The following ESRRG variants were observed in gnomAD, a reference collection of about 807,000 sequenced individuals.
The protein encoded by ESRRG is estrogen-related receptor gamma.
ESRRG carries 13 observed loss-of-function variants against 44.0 expected under a neutral mutation model. That is an observed-to-expected ratio of 0.30 (90% CI 0.19 to 0.47). The LOEUF (loss-of-function observed/expected upper bound fraction) is 0.47. Ranked by LOEUF, ESRRG falls within the 20% of genes least tolerant of loss-of-function variation. The pLI is 1.00. For missense variants in ESRRG, 395 were observed against 580.6 expected, an observed-to-expected ratio of 0.68 and a Z score of 3.29; for synonymous variants, 215 against 214.6, an observed-to-expected ratio of 1.00 and a Z score of -0.02.
intron 2 of ESRRG, among the ~76,000 whole-genome samples, chr1:216,788,899 A>G (rs1449713126): frequency 6.6e-6 from 1 of 152,136 alleles, no homozygotes; most frequent in South Asian, 2.1e-4. Context: ...GAGGAGCTGT[A>G]GTTGTGGTAG....
chr1:216,759,885 C>A (rs12740079), intron 2 of ESRRG, among the ~76,000 whole-genome samples: 1 of 152,134 alleles, frequency 6.6e-6, no homozygotes, highest in Non-Finnish European at 1.5e-5. Context: ...CAAGCACTTG[C>A]ACATATGGGT....
chr1:216,918,065 T>C (rs2061403591), intron 2 of ESRRG, among the ~76,000 whole-genome samples: 1 of 152,186 alleles, frequency 6.6e-6, no homozygotes, highest in African/African-American at 2.4e-5. Context: ...TTTTATGTCT[T>C]TATTTATGAG....
At chr1:216,715,203 C>A (rs977400476) in intron 1 of ESRRG, 6 of 985,348 alleles carry the variant, frequency 6.1e-6, no homozygotes, top group Non-Finnish European at 7.2e-6. Flanking sequence ...GCTTTTCCAT[C>A]TGTGACACTA....
chr1:217,023,827 A>G (rs1483402397), intron 1 of ESRRG, among the ~76,000 whole-genome samples: 1 of 152,134 alleles, frequency 6.6e-6, no homozygotes, highest in Admixed American at 6.5e-5. Flanking sequence ...TCTGTCAAAC[A>G]TCAGCCATCC....
chr1:216,996,463 C>T (rs947123418), intron 1 of ESRRG, among the ~76,000 whole-genome samples: 6 of 151,054 alleles, frequency 4.0e-5, no homozygotes, highest in African/African-American at 1.5e-4. Context: ...AAATAACAGG[C>T]AAAAAGAAGG....
intron 2 of ESRRG, among the ~76,000 whole-genome samples, chr1:216,808,064 C>T (rs1000533461): frequency 6.6e-6 from 1 of 152,128 alleles, no homozygotes; most frequent in African/African-American, 2.4e-5. Context: ...TAGAGACATA[C>T]TTAACCTCCG....
intron 5 of ESRRG, among the ~76,000 whole-genome samples, chr1:216,534,419 C>T (rs1171987117): frequency 6.6e-6 from 1 of 152,100 alleles, no homozygotes; most frequent in African/African-American, 2.4e-5. Flanking sequence ...TGGCACATAG[C>T]ACTAACACAG....
At chr1:217,101,450 A>G (rs542466731) in intron 1 of ESRRG, among the ~76,000 whole-genome samples, 26 of 152,378 alleles carry the variant, frequency 1.7e-4, no homozygotes, top group African/African-American at 5.0e-4. Flanking sequence ...ATTCTAGGTC[A>G]GAAATCTCAA....
intron 1 of ESRRG, among the ~76,000 whole-genome samples, chr1:216,698,507 A>G (rs533537284): frequency 2.7e-4 from 38 of 139,730 alleles, no homozygotes; most frequent in Non-Finnish European, 5.4e-4. Context: ...CGACTGAGCA[A>G]GACTCAGTCT....
At chr1:216,644,109 G>T (rs1465118596) in intron 3 of ESRRG, among the ~76,000 whole-genome samples, 1 of 152,128 alleles carries the variant, frequency 6.6e-6, no homozygotes, top group Non-Finnish European at 1.5e-5. Flanking sequence ...CTGACCTTGG[G>T]TTCCTTATCT....
intron 1 of ESRRG, among the ~76,000 whole-genome samples, chr1:216,987,221 C>T (rs552010008): frequency 4.6e-5 from 7 of 152,124 alleles, no homozygotes; most frequent in African/African-American, 7.2e-5. Context: ...ACTTTTGCAC[C>T]TAATTTTGCA....
intron 1 of ESRRG, among the ~76,000 whole-genome samples, chr1:216,720,413 T>A (rs1465619234): frequency 6.6e-6 from 1 of 152,074 alleles, no homozygotes; most frequent in Non-Finnish European, 1.5e-5. Context: ...AGAAAAGTCA[T>A]GTGAGCTCCA....
At chr1:216,567,664 G>C (rs745799815) in intron 4 of ESRRG, among the ~76,000 whole-genome samples, 16 of 152,074 alleles carry the variant, frequency 1.1e-4, no homozygotes, top group Admixed American at 2.0e-4. Flanking sequence ...TCCATTTTAT[G>C]TACCTCTGCA....
chr1:217,082,885 A>G (rs2091861498), intron 1 of ESRRG, among the ~76,000 whole-genome samples: 1 of 152,246 alleles, frequency 6.6e-6, no homozygotes, highest in Non-Finnish European at 1.5e-5. Flanking sequence ...AAGAAAAGCC[A>G]TATACTTTGC....
chr1:216,530,891 T>G (rs2049172908), intron 5 of ESRRG, among the ~76,000 whole-genome samples: 1 of 152,144 alleles, frequency 6.6e-6, no homozygotes, highest in African/African-American at 2.4e-5. Context: ...TGTTATCTCT[T>G]CTTGTCTTAC....
chr1:217,108,943 A>C (rs1056825971), intron 1 of ESRRG, among the ~76,000 whole-genome samples: 1 of 152,242 alleles, frequency 6.6e-6, no homozygotes, highest in Admixed American at 6.5e-5. Context: ...CAGCTGCACC[A>C]GAGAGAAATA....
chr1:216,844,766 T>C (rs1221368830), intron 2 of ESRRG, among the ~76,000 whole-genome samples: 1 of 62,100 alleles, frequency 1.6e-5, no homozygotes, highest in Admixed American at 1.6e-4. Flanking sequence ...TTCGTGCATG[T>C]GTGTGTGTGT....
intron 2 of ESRRG, among the ~76,000 whole-genome samples, chr1:216,898,974 C>T (rs1050097805): frequency 6.6e-6 from 1 of 152,108 alleles, no homozygotes; most frequent in Non-Finnish European, 1.5e-5. Flanking sequence ...AGCTCAAGTG[C>T]CTCAGGGGTA....
intron 2 of ESRRG, among the ~76,000 whole-genome samples, chr1:216,798,912 A>C (rs2148255396): frequency 6.6e-6 from 1 of 152,266 alleles, no homozygotes; most frequent in South Asian, 2.1e-4. Flanking sequence ...TAATAATACC[A>C]GTTAAGTGAT....
Sources: allele counts gnomAD v4.1 joint callset (sites outside exome capture counted in the v4.1 genomes callset), GRCh38; gene constraint gnomAD v4.1.1; transcripts MANE v1.5; gene names NCBI Gene and HGNC (gene_info 2026-07-23, HGNC 2026-07-21).